The following CC2D2B variants were observed in gnomAD, a reference collection of about 807,000 sequenced individuals.
CC2D2B encodes the protein protein CC2D2B.
Under a neutral mutation model 161.2 loss-of-function variants are expected in CC2D2B, and 128 were observed. The observed-to-expected ratio is 0.79, with a 90% CI of 0.69 to 0.92. The LOEUF is 0.92. Ranked by LOEUF, CC2D2B falls within the 40% of genes least tolerant of loss-of-function variation. The pLI, the probability that CC2D2B is intolerant of heterozygous loss-of-function variation, is 0.00. For missense variants in CC2D2B, 1,173 were observed against 1,375.1 expected, an observed-to-expected ratio of 0.85 and a Z score of 2.32; for synonymous variants, 391 against 449.8, an observed-to-expected ratio of 0.87 and a Z score of 1.65.
intron 6 of CC2D2B, among the ~76,000 whole-genome samples, chr10:95,928,569 C>G (rs1048713388): frequency 5.3e-5 from 8 of 152,116 alleles, no homozygotes; most frequent in Non-Finnish European, 1.2e-4. Flanking sequence ...GCCCCCACCC[C>G]CTGACAGGCC....
At chr10:95,968,299 GTGTT>G (rs1039499767) in intron 14 of CC2D2B, among the ~76,000 whole-genome samples, 2 of 152,152 alleles carry the variant, frequency 1.3e-5, no homozygotes, top group African/African-American at 4.8e-5. Context: ...GGAGGGTTGT[GTGTT>G]TGTGTATATA....
Position 96,013,839 on chromosome 10 carries a change from G to A in CC2D2B, c.3478G>A (p.Asp1160Asn). 1 of 1,599,042 alleles carries A rather than the reference G, an allele frequency of 6.3e-7. No homozygotes were observed. Among genetic ancestry groups the A allele is most frequent in the Non-Finnish European group, 8.5e-7 (1 of 1,171,548 alleles). ...SLIPFVPNTPDENDGSDIWMT... is the reference protein window; with the variant it reads ...SLIPFVPNTPNENDGSDIWMT... ...GATTCCTTTTGTGCCTAATACACCA[G>A]ATGAAAATGATGGCTCTGATATATG... is the stretch of plus-strand genomic sequence containing the variant. The change falls in exon 29 of 35, where the codon GAT becomes AAT. Residue 1160 changes from aspartate to asparagine, a missense_variant. Around this residue, in one of 3 missense-constraint regions of CC2D2B, gnomAD observed 598 missense variants for 693.2 expected, o/e 0.86. Transcript: ENST00000646931.
intron 12 of CC2D2B, among the ~76,000 whole-genome samples, chr10:95,962,450 G>A (rs1396667072): frequency 6.6e-6 from 1 of 152,132 alleles, no homozygotes; most frequent in Admixed American, 6.6e-5. Context: ...TTGCTGATGG[G>A]AATGCAAAAT....
intron 34 of CC2D2B, among the ~76,000 whole-genome samples, chr10:96,029,535 T>C (rs1590956187): frequency 3.3e-5 from 5 of 151,428 alleles, no homozygotes; most frequent in East Asian, 3.9e-4. Flanking sequence ...AAACCTCTAG[T>C]AGTAGATCAA....
chr10:95,957,095 C>T (rs2076591967), intron 11 of CC2D2B, among the ~76,000 whole-genome samples: 1 of 152,068 alleles, frequency 6.6e-6, no homozygotes, highest in South Asian at 2.1e-4. Flanking sequence ...ATCCCCCCAC[C>T]CCTGCCCCTC....
intron 33 of CC2D2B, among the ~76,000 whole-genome samples, chr10:96,025,164 T>TATATATATATAAAAAAAAAAAAAAAAA (rs2079654940): frequency 1.3e-4 from 1 of 7,564 alleles, no homozygotes; most frequent in African/African-American, 6.4e-4. Context: ...AATATATATA[T>TATATATATATAAAAAAAAAAAAAAAAA]ATATATATAT....
intron 5 of CC2D2B, among the ~76,000 whole-genome samples, chr10:95,925,736 C>T (rs1235347043): frequency 1.3e-5 from 2 of 152,178 alleles, no homozygotes; most frequent in African/African-American, 2.4e-5. Context: ...TTTGCCATCT[C>T]CAATATGTGG....
chr10:95,968,804 G>A lies in CC2D2B; in HGVS notation c.1547G>A (p.Cys516Tyr). 1 of 1,202,996 alleles carries A rather than the reference G, an allele frequency of 8.3e-7. No individual in the cohort carries two copies. Among genetic ancestry groups the A allele is most frequent in the Non-Finnish European group, 1.0e-6 (1 of 961,680 alleles). The allele number at this position is 1,202,996 out of a possible 1,614,324, so 74.5% of individuals were successfully genotyped here. A position where few individuals can be genotyped will look rare whatever the true frequency, so the allele number is the denominator to read the frequency against. ...KIFYNNKQVS[C>Y]TSVSPLQFDF... ...TTTTACAACAATAAACAGGTTTCTT[G>A]TACTTCAGTATCTCCCCTACAGTTT... Residue 516 changes from cysteine to tyrosine, a missense_variant, in exon 15 of 35, where the codon TGT becomes TAT. Around this residue, in one of 3 missense-constraint regions of CC2D2B, gnomAD observed 277 missense variants for 420.6 expected, o/e 0.66. Coordinates refer to ENST00000646931, the MANE Select transcript of CC2D2B (RefSeq NM_001349008.3).
At chr10:95,960,311 A>C (rs530686936) in intron 11 of CC2D2B, among the ~76,000 whole-genome samples, 1 of 152,318 alleles carries the variant, frequency 6.6e-6, no homozygotes, top group Admixed American at 6.5e-5. Flanking sequence ...AAATGTTGGT[A>C]ACATTTACAA....
At position 95,949,936 on chromosome 10, in the gene CC2D2B, T is replaced by C. The variant is rs1280475082; in HGVS notation, c.842T>C (p.Met281Thr). The C allele has an allele frequency of 7.5e-6, 3 of 398,724 alleles. No homozygotes were observed. The highest frequency in any genetic ancestry group is 6.2e-5 in the African/African-American group (3 of 48,726). 24.7% of individuals were successfully genotyped at this position (398,724 alleles called of 1,614,324 possible). A position where few individuals can be genotyped will look rare whatever the true frequency, so the allele number is the denominator to read the frequency against. Residue 281 changes from methionine to threonine, a missense_variant, in exon 10 of 35, where the codon ATG becomes ACG. Transcript: ENST00000646931. ...CTGGGAAGTTCATTTATGAACAAAA[T>C]GGAAGGTTCAAGGGAAATATACCAG... ...YDLGSSFMNKMEGSREIYQLD... is the reference protein window; with the variant it reads ...YDLGSSFMNKTEGSREIYQLD...
intron 6 of CC2D2B, among the ~76,000 whole-genome samples, chr10:95,936,093 C>T (rs1278964641): frequency 6.6e-6 from 1 of 152,170 alleles, no homozygotes; most frequent in Non-Finnish European, 1.5e-5. Flanking sequence ...GATCCTCCCA[C>T]CCAGCAGAGT....
intron 5 of CC2D2B, among the ~76,000 whole-genome samples, chr10:95,925,239 T>G (rs1158952516): frequency 6.6e-6 from 1 of 152,138 alleles, no homozygotes; most frequent in East Asian, 1.9e-4. Context: ...AAACGGTGCA[T>G]GCGGAAGCAA....
chr10:95,993,988 A>G (rs1210559295), intron 22 of CC2D2B, among the ~76,000 whole-genome samples: 1 of 107,158 alleles, frequency 9.3e-6, no homozygotes, highest in African/African-American at 3.6e-5. Flanking sequence ...ATATATATAT[A>G]TATATATATA....
chr10:95,963,159 G>T (rs2076825957), intron 12 of CC2D2B, among the ~76,000 whole-genome samples: 1 of 152,264 alleles, frequency 6.6e-6, no homozygotes, highest in Middle Eastern at 3.4e-3. Context: ...GGCCCCAGCT[G>T]GGGTAGCCCC....
At position 96,004,253 on chromosome 10, in the gene CC2D2B, AG is replaced by A. The variant is rs2078652306; in HGVS notation, c.2946+6del. On this transcript the variant is annotated splice_donor_region_variant and intron_variant, in intron 25 of 34. Transcript: ENST00000646931. ...ATGATGACTGAAAAACATGAGGTAA[AG>A]TAGAATAATTACAATAGCCAATGCT... is the stretch of plus-strand genomic sequence containing the variant. 7.3e-7 allele frequency: 1 copy of A among 1,363,912 alleles called. No individual in the cohort carries two copies. The highest frequency in any genetic ancestry group is 1.5e-5 in the African/African-American group (1 of 66,392). 84.5% of individuals were successfully genotyped at this position (1,363,912 alleles called of 1,614,324 possible).
upstream of CC2D2B, chr10:95,907,798 G>A (rs568140860): frequency 1.3e-5 from 2 of 152,658 alleles, no homozygotes; most frequent in African/African-American, 4.8e-5. Context: ...GCAGAGGCGA[G>A]GGGCGGGGGT....
intron 20 of CC2D2B, 107 bp from the exon 21 acceptor site, chr10:95,991,263 T>G: frequency 2.8e-6 from 1 of 357,820 alleles, no homozygotes; most frequent in East Asian, 4.0e-5. Flanking sequence ...CTCCATTCAT[T>G]GCTTGCAAAA....
chr10:95,994,410 C>T (rs2078147417), intron 22 of CC2D2B, among the ~76,000 whole-genome samples: 1 of 152,142 alleles, frequency 6.6e-6, no homozygotes. Flanking sequence ...AAAGAGGAAC[C>T]AGGAGTACGG....
intron 29 of CC2D2B, among the ~76,000 whole-genome samples, chr10:96,015,124 G>A (rs2079136130): frequency 6.6e-6 from 1 of 151,750 alleles, no homozygotes; most frequent in South Asian, 2.1e-4. Context: ...GAGTGCAGTG[G>A]CACGATCTCG....
Sources: allele counts gnomAD v4.1 joint callset (sites outside exome capture counted in the v4.1 genomes callset), GRCh38; gene constraint gnomAD v4.1.1; regional missense constraint gnomAD v4.1.1; transcripts MANE v1.5; gene names NCBI Gene and HGNC (gene_info 2026-07-23, HGNC 2026-07-21).